SAA2: variants seen among roughly 807,000 people sequenced by gnomAD.
SAA2 encodes serum amyloid A2.
A neutral mutation model predicts 9.1 loss-of-function variants in SAA2; 5 were observed. The observed-to-expected ratio is 0.55, with a 90% CI of 0.29 to 1.16. The LOEUF is 1.16. Among genes scored for constraint, SAA2 ranks in the 50% most tolerant of loss-of-function variants. SAA2 has a pLI of 0.09. For missense variants in SAA2, 94 were observed against 153.8 expected, an observed-to-expected ratio of 0.61 and a Z score of 2.06; for synonymous variants, 49 against 59.8, an observed-to-expected ratio of 0.82 and a Z score of 0.83.
Position 18,240,175 on chromosome 11 carries a change from G to T in SAA2, c.231-206C>A, listed in dbSNP as rs1273666678. 27 of 730,430 alleles carry T rather than the reference G, an allele frequency of 3.7e-5. No homozygotes were observed. In the Middle Eastern group the frequency reaches 7.7e-4, roughly 21 times the overall value. The allele number at this position is 730,430 out of a possible 1,614,324, so 45.2% of individuals were successfully genotyped here. A position where few individuals can be genotyped will look rare whatever the true frequency, so the allele number is the denominator to read the frequency against. On this transcript the variant is annotated intron_variant, in intron 3 of 3. Coordinates refer to the SAA2 transcript ENST00000414546. ...ATTAGGAAGAATGAGTGGACCTGGG[G>T]AATAGAAATTAACCTGTAAATGATT...
At chr11:18,246,450 A>T (rs7113375) in intron 2 of SAA2, among the ~76,000 whole-genome samples, 56,146 of 152,174 alleles carry the variant, frequency 0.37, 11,683 homozygotes, top group Non-Finnish European at 0.45. Context: ...GTCCCTAAAC[A>T]CTTTCTCAGT....
At chr11:18,246,480 G>C (rs1024134234) in intron 2 of SAA2, among the ~76,000 whole-genome samples, 23 of 152,200 alleles carry the variant, frequency 1.5e-4, no homozygotes, top group Non-Finnish European at 1.8e-4. Flanking sequence ...TGATACTGTG[G>C]GTTGCTTGAG....
At chr11:18,247,087 C>T (rs1467235910) in intron 2 of SAA2, among the ~76,000 whole-genome samples, 11 of 152,392 alleles carry the variant, frequency 7.2e-5, no homozygotes, top group South Asian at 2.1e-4. Flanking sequence ...GGGCATTGGC[C>T]TCAGCTGCTC....
At chr11:18,238,256 T>C (rs1857249542), downstream of SAA2, among the ~76,000 whole-genome samples, 1 of 152,222 alleles carries the variant, frequency 6.6e-6, no homozygotes, top group Non-Finnish European at 1.5e-5. Flanking sequence ...GTTTATTGTG[T>C]TTTTATTTAT....
At chr11:18,242,656 G>A, downstream of SAA2, 1 of 626,330 alleles carries the variant, frequency 1.6e-6, no homozygotes, top group Non-Finnish European at 2.9e-6. Flanking sequence ...GACCAGCCTG[G>A]GTGACACGGC....
chr11:18,246,825 T>TAATTAGA (rs1857567816), intron 2 of SAA2, among the ~76,000 whole-genome samples: 2 of 152,232 alleles, frequency 1.3e-5, no homozygotes, highest in Non-Finnish European at 2.9e-5. Flanking sequence ...GAGCCTTGGC[T>TAATTAGA]GCACTTTCTA....
exon 4 of SAA2, chr11:18,239,906 G>A: frequency 6.5e-7 from 1 of 1,543,382 alleles, no homozygotes; most frequent in Non-Finnish European, 8.7e-7. Context: ...TCAATGCCTG[G>A]GTCATGTAGG....
downstream of SAA2, chr11:18,242,154 T>G (rs187871348): frequency 2.0e-5 from 3 of 152,254 alleles, no homozygotes; most frequent in Admixed American, 1.3e-4. Context: ...ATGTATGTAT[T>G]TATTTATTGT....
chr11:18,243,870 T>C (rs1857419354), downstream of SAA2, among the ~76,000 whole-genome samples: 1 of 152,186 alleles, frequency 6.6e-6, no homozygotes, highest in Non-Finnish European at 1.5e-5. Flanking sequence ...CTTTGTCCTA[T>C]TTGTGATGCT....
chr11:18,240,627 A>T (rs1857320745), downstream of SAA2, among the ~76,000 whole-genome samples: 1 of 152,214 alleles, frequency 6.6e-6, no homozygotes, highest in East Asian at 1.9e-4. Flanking sequence ...TACAGTGGGG[A>T]AATGATACCT....
downstream of SAA2, chr11:18,242,049 A>G (rs1857361317): frequency 6.6e-6 from 1 of 152,234 alleles, no homozygotes; most frequent in South Asian, 2.1e-4. Flanking sequence ...CATGAGGCAC[A>G]TTAATTAGTC....
downstream of SAA2, chr11:18,242,321 G>C (rs142478647): frequency 4.6e-3 from 713 of 153,614 alleles, 4 homozygotes; most frequent in Non-Finnish European, 8.2e-3. Flanking sequence ...GAGAAGATGA[G>C]AGGAGATGTC....
chr11:18,245,118 G>T, downstream of SAA2: 1 of 649,254 alleles, frequency 1.5e-6, no homozygotes, highest in Non-Finnish European at 2.5e-6. Flanking sequence ...TACTAAGAAT[G>T]TCTCCTCACA....
intron 2 of SAA2, 62 bp from the exon 3 acceptor site, chr11:18,246,110 T>A: frequency 6.6e-7 from 1 of 1,508,956 alleles, no homozygotes; most frequent in Non-Finnish European, 9.1e-7. Flanking sequence ...AACAACACCT[T>A]AGAGGGGAAT....
Position 18,239,931 on chromosome 11 carries a change from G to A in SAA2, c.*17C>T. The A allele has an allele frequency of 2.6e-6, 4 of 1,549,382 alleles. No individual in the cohort carries two copies. The South Asian group carries it at 4.8e-5, about 19-fold the overall frequency. On this transcript the variant is annotated 3_prime_UTR_variant, in exon 4 of 4. Transcript: ENST00000414546. ...GGTCATGTAGGAGTGAAGAAAAAAGGCTTCTTCCTTCACTCTCTACAGTTC... is the reference window on the plus strand; with the variant it reads ...GGTCATGTAGGAGTGAAGAAAAAAGACTTCTTCCTTCACTCTCTACAGTTC...
At chr11:18,245,166 T>C, downstream of SAA2, 1 of 1,097,766 alleles carries the variant, frequency 9.1e-7, no homozygotes, top group Non-Finnish European at 1.3e-6. Context: ...ACCCTTCATG[T>C]GGGTGTGCAT....
chr11:18,247,143 A>G (rs1306821248), intron 2 of SAA2, among the ~76,000 whole-genome samples: 1 of 152,270 alleles, frequency 6.6e-6, no homozygotes, highest in Non-Finnish European at 1.5e-5. Flanking sequence ...CCTGCCTCAC[A>G]GAGTCATTCT....
At chr11:18,246,334 G>C (rs1441691778) in intron 2 of SAA2, among the ~76,000 whole-genome samples, 1 of 152,190 alleles carries the variant, frequency 6.6e-6, no homozygotes, top group Non-Finnish European at 1.5e-5. Context: ...GCTGAGAAAG[G>C]TGGCAGACAC....
At chr11:18,239,808 G>A (rs1160781754) in exon 4 of SAA2, 11 of 1,029,814 alleles carry the variant, frequency 1.1e-5, no homozygotes, top group Non-Finnish European at 8.2e-6. Flanking sequence ...CACATGCTGA[G>A]GGAGCTCATC....
Sources: gnomAD v4.1 joint callset for allele counts (sites outside exome capture counted in the v4.1 genomes callset) on GRCh38, gnomAD v4.1.1 for gene constraint, MANE v1.5 for transcripts, NCBI Gene and HGNC (gene_info 2026-07-23, HGNC 2026-07-21) for gene names.